The following TMEM132E variants were observed in gnomAD, a reference collection of about 807,000 sequenced individuals.
TMEM132E encodes transmembrane protein 132E.
Under a neutral mutation model 78.5 loss-of-function variants are expected in TMEM132E, and 49 were observed. That is an observed-to-expected ratio of 0.62 (90% CI 0.50 to 0.79). The LOEUF (loss-of-function observed/expected upper bound fraction) is 0.79, where lower values mean the gene tolerates loss of function less well. TMEM132E is among the 30% of genes least tolerant of loss of function. The pLI, the probability that TMEM132E is intolerant of heterozygous loss-of-function variation, is 0.00. For synonymous variants in TMEM132E, 715 were observed against 670.6 expected, an observed-to-expected ratio of 1.07 and a Z score of -1.02; for missense variants, 1,403 against 1,470.9, an observed-to-expected ratio of 0.95 and a Z score of 0.75.
chr17:34,611,586 G>C (rs1301255771), intron 1 of TMEM132E, among the ~76,000 whole-genome samples: 1 of 152,170 alleles, frequency 6.6e-6, no homozygotes, highest in Non-Finnish European at 1.5e-5. Flanking sequence ...GGGGTGGTTA[G>C]AACAGGAAAG....
At position 34,610,621 on chromosome 17, in the gene TMEM132E, G is replaced by A. The variant is rs77764900; in HGVS notation, c.68-15506G>A. Among the ~76,000 whole-genome samples, 665 of 152,296 alleles carry A rather than the reference G, an allele frequency of 4.4e-3. 4 individuals are homozygous for A. Among genetic ancestry groups the A allele is most frequent in the Non-Finnish European group, 5.4e-3 (364 of 68,028 alleles). ...GGGCTGAGGGAGGTCCCCAAACACC[G>A]GTGCAAAGCAGCTGGTGTCGAGGCT... On this transcript the variant is annotated intron_variant, in intron 1 of 8. Coordinates refer to ENST00000631683, the MANE Select transcript of TMEM132E (RefSeq NM_001304438.2).
chr17:34,619,428 G>T (rs913860525), intron 1 of TMEM132E, among the ~76,000 whole-genome samples: 1 of 143,882 alleles, frequency 7.0e-6, no homozygotes, highest in African/African-American at 2.6e-5. Context: ...TACCAGGCCT[G>T]TCCCCTGGAA....
intron 1 of TMEM132E, among the ~76,000 whole-genome samples, chr17:34,599,438 A>G (rs4795011): frequency 0.56 from 84,915 of 151,932 alleles, 24,992 homozygotes; most frequent in Admixed American, 0.71. Context: ...CTTTTAGGGT[A>G]TACCAACCTC....
At position 34,601,730 on chromosome 17, in the gene TMEM132E, G is replaced by A. The variant is rs184462560; in HGVS notation, c.67+20587G>A. ...CTCCAGCCCCTCTGGGGCTTCAGAG[G>A]GAAGAGAAGAGGAAGGAGGCAGTCT... On this transcript the variant is annotated intron_variant, in intron 1 of 8. Transcript: ENST00000631683. Among the ~76,000 whole-genome samples the A allele has an allele frequency of 1.1e-3, 165 of 152,306 alleles. 1 individual carries two copies. Among genetic ancestry groups the A allele is most frequent in the African/African-American group, 3.8e-3 (156 of 41,566 alleles).
chr17:34,613,500 G>A lies in TMEM132E; in HGVS notation c.68-12627G>A, dbSNP rs577123478. ...CCTGGCTCTACCTCACTACTAGTCC[G>A]TCCAGCAGTCCCTAAGCCCCCCACT... On this transcript the variant is annotated intron_variant, in intron 1 of 8. Transcript: ENST00000631683. 1.1e-3 allele frequency among the ~76,000 whole-genome samples: 174 copies of A among 151,310 alleles called. No individual in the cohort carries two copies. In the South Asian group the frequency reaches 0.022, roughly 19 times the overall value.
intron 1 of TMEM132E, among the ~76,000 whole-genome samples, chr17:34,599,318 A>G: frequency 6.6e-6 from 1 of 152,202 alleles, no homozygotes; most frequent in East Asian, 1.9e-4. Flanking sequence ...GCACCTGCTA[A>G]TGCTGCTCAA....
At position 34,626,161 on chromosome 17, in the gene TMEM132E, G is replaced by A. The variant is rs766622532; in HGVS notation, c.102G>A (p.Pro34=). ...SGRSHPASPS[P]PGPQASPVLP... is the part of the protein sequence containing the mutation. The stretch of plus-strand genomic sequence containing the variant: ...GCTCCCACCCGGCCAGCCCCAGCCC[G>A]CCGGGGCCGCAGGCCAGCCCGGTGC... The change falls in exon 2 of 9, where the codon CCG becomes CCA. Residue 34 remains proline (P), a synonymous_variant. Transcript: ENST00000631683. The A allele has an allele frequency of 2.6e-6, 4 of 1,549,168 alleles. No individual in the cohort carries two copies. Among genetic ancestry groups the A allele is most frequent in the African/African-American group, 2.7e-5 (2 of 73,254 alleles).
chr17:34,615,938 T>C (rs1253902816), intron 1 of TMEM132E, among the ~76,000 whole-genome samples: 2 of 152,110 alleles, frequency 1.3e-5, no homozygotes, highest in Non-Finnish European at 2.9e-5. Context: ...AACATAGGCA[T>C]TTTGTTAGCA....
intron 2 of TMEM132E, among the ~76,000 whole-genome samples, chr17:34,627,573 T>G (rs1907202996): frequency 6.6e-6 from 1 of 150,942 alleles, no homozygotes; most frequent in African/African-American, 2.4e-5. Context: ...CTTTCTATCC[T>G]TCTACACCTT....
Position 34,581,154 on chromosome 17 carries a change from C to A in TMEM132E, c.67+11C>A. On this transcript the variant is annotated intron_variant, in intron 1 of 8. Transcript: ENST00000631683. ...CGCTACTCGCCCACGGTAAGTGTCG[C>A]GGCGCGGACTGGGGGTGAGGATGCG... is the stretch of plus-strand genomic sequence containing the variant. 1 of 1,506,844 alleles carries A rather than the reference C, an allele frequency of 6.6e-7. No homozygotes were observed. The highest frequency in any genetic ancestry group is 8.8e-7 in the Non-Finnish European group (1 of 1,132,256). The allele number at this position is 1,506,844 out of a possible 1,614,324, so 93.3% of individuals were successfully genotyped here.
intron 6 of TMEM132E, among the ~76,000 whole-genome samples, chr17:34,633,385 T>G (rs1228893356): frequency 1.3e-5 from 2 of 152,248 alleles, no homozygotes; most frequent in Non-Finnish European, 2.9e-5. Context: ...CCTGTACACA[T>G]GTGTCCCAGC....
chr17:34,632,968 C>A lies in TMEM132E; in HGVS notation c.1688+59C>A, dbSNP rs1193349116. On this transcript the variant is annotated intron_variant, in intron 6 of 8. Transcript: ENST00000631683. ...AACTCATGGGTGGATACAGCCTCGG[C>A]CCACAGTCTGATCTGCATATGGGTA... The A allele has an allele frequency of 3.2e-6, 5 of 1,586,164 alleles. No homozygotes were observed. The South Asian group carries it at 3.3e-5, about 11-fold the overall frequency.
At chr17:34,583,066 C>G (rs1453429818) in intron 1 of TMEM132E, among the ~76,000 whole-genome samples, 1 of 152,232 alleles carries the variant, frequency 6.6e-6, no homozygotes, top group Non-Finnish European at 1.5e-5. Flanking sequence ...TTGGTCTTGG[C>G]CTTGGCCTCC....
intron 1 of TMEM132E, among the ~76,000 whole-genome samples, chr17:34,608,626 A>G (rs1413738180): frequency 1.3e-5 from 2 of 152,186 alleles, no homozygotes; most frequent in Non-Finnish European, 2.9e-5. Flanking sequence ...GGAGTCTGCA[A>G]AGAACTGTTG....
At chr17:34,626,094 C>T (rs1302987420) in intron 1 of TMEM132E, 33 bp from the exon 2 acceptor site, 3 of 1,462,152 alleles carry the variant, frequency 2.1e-6, no homozygotes, top group Middle Eastern at 5.0e-4. Context: ...CTCTCCTGAC[C>T]ACCCTGGGCC....
chr17:34,581,582 G>T (rs1905484819), intron 1 of TMEM132E, among the ~76,000 whole-genome samples: 1 of 151,110 alleles, frequency 6.6e-6, no homozygotes, highest in African/African-American at 2.4e-5. Context: ...GCCGGTGCGG[G>T]GCCGCGCCGC....
rs562731042 is a variant in TMEM132E at position 34,638,259 on chromosome 17, C to G, written c.*27C>G. ...GGCGCCAGCCGGAGTAGCAGGGACC[C>G]CCCCCCCCAACGGGGTCAGCTCGGG... On this transcript the variant is annotated 3_prime_UTR_variant, in exon 9 of 9. Coordinates refer to ENST00000631683, the MANE Select transcript of TMEM132E (RefSeq NM_001304438.2). The G allele has an allele frequency of 2.2e-5, 32 of 1,471,464 alleles. No homozygotes were observed. Among genetic ancestry groups the G allele is most frequent in the South Asian group, 2.8e-5 (2 of 71,280 alleles). The allele number at this position is 1,471,464 out of a possible 1,614,324, so 91.2% of individuals were successfully genotyped here.
rs529471223 is a variant in TMEM132E, at chr17:34,628,783, G to C, written c.1145+74G>C. The C allele has an allele frequency of 1.4e-3, 2,133 of 1,475,882 alleles. 2 individuals are homozygous for C. The highest frequency in any genetic ancestry group is 1.8e-3 in the South Asian group (130 of 72,814). The allele number at this position is 1,475,882 out of a possible 1,614,324, so 91.4% of individuals were successfully genotyped here. ...TGAGAGGAGTGGGGAATCTTTGAAGGAGGAGGCTAGGCTTGGGGAGGGCTG... is the reference window on the plus strand; with the variant it reads ...TGAGAGGAGTGGGGAATCTTTGAAGCAGGAGGCTAGGCTTGGGGAGGGCTG... On this transcript the variant is annotated intron_variant, in intron 3 of 8. Transcript: ENST00000631683.
chr17:34,584,366 G>A (rs1052795578), intron 1 of TMEM132E, among the ~76,000 whole-genome samples: 107 of 152,190 alleles, frequency 7.0e-4, no homozygotes, highest in African/African-American at 2.3e-3. Flanking sequence ...GGGAGCCTCC[G>A]TAGATTACCC....
Sources: allele counts gnomAD v4.1 joint callset (sites outside exome capture counted in the v4.1 genomes callset), GRCh38; gene constraint gnomAD v4.1.1; transcripts MANE v1.5; gene names NCBI Gene and HGNC (gene_info 2026-07-23, HGNC 2026-07-21).